CPM: variants seen among roughly 807,000 people sequenced by gnomAD.
CPM encodes carboxypeptidase M.
A neutral mutation model predicts 46.4 loss-of-function variants in CPM; 35 were observed. That is an observed-to-expected ratio of 0.75 (90% CI 0.58 to 1.00). CPM has a LOEUF of 1.00. CPM is among the 50% of genes least tolerant of loss of function. The probability of loss-of-function intolerance (pLI) is 0.00; values close to 1 mark genes in which losing one functional copy is unlikely to be tolerated. For missense variants in CPM, 422 were observed against 530.4 expected (o/e 0.80, Z 2.01); for synonymous variants, 195 against 195.3 (o/e 1.00, Z 0.01).
At chr12:68,860,172 T>G (rs185042229) in intron 7 of CPM, among the ~76,000 whole-genome samples, 1 of 152,236 alleles carries the variant, frequency 6.6e-6, no homozygotes, top group Admixed American at 6.5e-5. Flanking sequence ...TATTATACTT[T>G]CTGTCCTATT....
At chr12:68,858,065 A>G (rs1387093753) in intron 8 of CPM, among the ~76,000 whole-genome samples, 1 of 152,230 alleles carries the variant, frequency 6.6e-6, no homozygotes, top group Non-Finnish European at 1.5e-5. Flanking sequence ...TCTGAATTCT[A>G]TAGTTTTATA....
intron 7 of CPM, among the ~76,000 whole-genome samples, chr12:68,866,655 T>C (rs909847896): frequency 6.6e-6 from 1 of 152,216 alleles, no homozygotes; most frequent in Non-Finnish European, 1.5e-5. Context: ...GTACTCTGGA[T>C]TTTTATACCC....
Position 68,856,473 on chromosome 12 carries a change from TA to T in CPM, c.1295del (p.Leu432TyrfsTer3). The T allele has an allele frequency of 1.9e-6, 3 of 1,614,066 alleles. No homozygotes were observed. Among genetic ancestry groups the T allele is most frequent in the Non-Finnish European group, 2.5e-6 (3 of 1,179,972 alleles). On this transcript the variant is annotated frameshift_variant, in exon 9 of 9. Coordinates refer to ENST00000551568, the MANE Select transcript of CPM (RefSeq NM_198320.5). LOFTEE classifies it high-confidence loss of function. ...HSAATKPSLF[L>X]FLVSLLHIFF... ...ATATGTGCAAAAGACTCACTAAAAA[TA>T]AGAACAAACTAGGCTTTGTTGCAGC...
At chr12:68,937,040 A>G (rs143299614), upstream of CPM, among the ~76,000 whole-genome samples, 5 of 152,358 alleles carry the variant, frequency 3.3e-5, no homozygotes, top group East Asian at 9.6e-4. Context: ...AAAGATTGAC[A>G]ATACCTGGAA....
intron 3 of CPM, among the ~76,000 whole-genome samples, chr12:68,877,026 G>T (rs1160965824): frequency 6.6e-6 from 1 of 152,038 alleles, no homozygotes; most frequent in Non-Finnish European, 1.5e-5. Flanking sequence ...GGGCTGTGGG[G>T]CTCCACAGTG....
intron 8 of CPM, among the ~76,000 whole-genome samples, chr12:68,857,041 A>G (rs1023776721): frequency 6.6e-6 from 1 of 152,180 alleles, no homozygotes; most frequent in Non-Finnish European, 1.5e-5. Context: ...TGTATTTAAC[A>G]TCCTCCTTGG....
intron 3 of CPM, among the ~76,000 whole-genome samples, chr12:68,877,728 G>T (rs1475610038): frequency 6.6e-6 from 1 of 152,172 alleles, no homozygotes; most frequent in Non-Finnish European, 1.5e-5. Context: ...AGGAAAAGGA[G>T]CTTGGGCAGC....
Position 68,874,096 on chromosome 12 carries a change from C to T in CPM, c.259-2140G>A, listed in dbSNP as rs572707469. Among the ~76,000 whole-genome samples, 27 of 152,170 alleles carry T rather than the reference C, an allele frequency of 1.8e-4. No individual in the cohort carries two copies. The East Asian group carries it at 4.1e-3, about 23-fold the overall frequency. ...GCCGGGATTACTGTGTGAGCCACCG[C>T]GCCCGGCCAGATTTTTGTTTTTATA... On this transcript the variant is annotated intron_variant, in intron 3 of 8. Transcript: ENST00000551568.
intron 2 of CPM, among the ~76,000 whole-genome samples, chr12:68,891,879 G>A (rs530756574): frequency 6.6e-6 from 1 of 152,176 alleles, no homozygotes; most frequent in Admixed American, 6.5e-5. Flanking sequence ...TGGGACTACA[G>A]ATGTGTGCCA....
rs74648268 is a variant in CPM at position 68,886,185 on chromosome 12, A to C, written c.161-296T>G. ...TCTTACTCTTCTAAAATGTGTATATACATTACCCTGAGATCCTGGAGCCTT... is the reference window on the plus strand; with the variant it reads ...TCTTACTCTTCTAAAATGTGTATATCCATTACCCTGAGATCCTGGAGCCTT... On this transcript the variant is annotated intron_variant, in intron 2 of 8. Coordinates refer to ENST00000551568, the MANE Select transcript of CPM (RefSeq NM_198320.5). Among the ~76,000 whole-genome samples, 684 of 152,256 alleles carry C rather than the reference A, an allele frequency of 4.5e-3. 1 individual carries two copies. Among genetic ancestry groups the C allele is most frequent in the Middle Eastern group, 0.017 (5 of 294 alleles).
Position 68,871,956 on chromosome 12 carries a change from T to C in CPM, c.259A>G (p.Thr87Ala). The change falls in exon 4 of 9, where the codon ACT becomes GCT. Residue 87 changes from threonine (T) to alanine (A), a missense_variant and splice_region_variant. Physicochemically the swap from Thr to Ala is moderately conservative, Grantham distance 58 (BLOSUM62 0). Transcript: ENST00000551568. ...KYVANMHGDE[T>A]VGRELLLHLI... ...TGGAGCAGCAGCTCCCGCCCAACAG[T>C]CTATATGTGTTAAAGAGAAAAGAGG... The C allele has an allele frequency of 6.2e-7, 1 of 1,613,712 alleles. No homozygotes were observed. The highest frequency in any genetic ancestry group is 2.2e-5 in the East Asian group (1 of 44,856).
At chr12:68,946,020 T>C (rs1195736) in intron 1 of CPM, among the ~76,000 whole-genome samples, 59,486 of 151,266 alleles carry the variant, frequency 0.39, 11,899 homozygotes, top group South Asian at 0.49. Context: ...ACCCAGCTAA[T>C]TTTTAAATAA....
chr12:68,925,664 T>C (rs532507153), intron 2 of CPM, among the ~76,000 whole-genome samples: 20 of 152,320 alleles, frequency 1.3e-4, no homozygotes, highest in African/African-American at 4.6e-4. Context: ...TGTAGTATGA[T>C]TGCAGTCTAC....
intron 8 of CPM, among the ~76,000 whole-genome samples, chr12:68,857,137 A>G (rs1317102123): frequency 6.6e-6 from 1 of 151,458 alleles, no homozygotes; most frequent in Non-Finnish European, 1.5e-5. Flanking sequence ...CTTCTTTTAA[A>G]AGCTTTTCTT....
intron 3 of CPM, among the ~76,000 whole-genome samples, chr12:68,873,534 A>C (rs1370692989): frequency 1.3e-5 from 2 of 152,000 alleles, no homozygotes; most frequent in Non-Finnish European, 2.9e-5. Flanking sequence ...GCATGGTGAC[A>C]CAGACCTATG....
At chr12:68,917,151 A>G (rs555484917) in intron 2 of CPM, among the ~76,000 whole-genome samples, 1 of 152,118 alleles carries the variant, frequency 6.6e-6, no homozygotes, top group African/African-American at 2.4e-5. Context: ...CTCAAAGTCA[A>G]TATGCTCCTT....
At chr12:68,961,030 A>G (rs1041012091) in intron 1 of CPM, among the ~76,000 whole-genome samples, 4 of 152,210 alleles carry the variant, frequency 2.6e-5, no homozygotes, top group African/African-American at 9.7e-5. Context: ...AAATTTGTAA[A>G]TGTCCACTTA....
At chr12:68,932,415 G>C (rs1888547427) in intron 2 of CPM, among the ~76,000 whole-genome samples, 1 of 152,194 alleles carries the variant, frequency 6.6e-6, no homozygotes, top group African/African-American at 2.4e-5. Flanking sequence ...ATGTCTGCAA[G>C]ATCCAAAAAG....
chr12:68,842,512 C>T, intron 5 of CPM: 2 of 382,166 alleles, frequency 5.2e-6, no homozygotes, highest in East Asian at 1.0e-4. Flanking sequence ...ATTACAAAAT[C>T]ATCTACATTG....
Sources: gnomAD v4.1 joint callset for allele counts (sites outside exome capture counted in the v4.1 genomes callset) on GRCh38, gnomAD v4.1.1 for gene constraint, MANE v1.5 for transcripts, NCBI Gene and HGNC (gene_info 2026-07-23, HGNC 2026-07-21) for gene names.